FAM234B: variants seen among roughly 807,000 people sequenced by gnomAD.
The protein encoded by FAM234B is protein FAM234B.
Under a neutral mutation model 69.3 loss-of-function variants are expected in FAM234B, and 33 were observed. That is an observed-to-expected ratio of 0.48 (90% CI 0.36 to 0.64). FAM234B has a LOEUF of 0.64. Ranked by LOEUF, FAM234B falls within the 30% of genes least tolerant of loss-of-function variation. The probability of loss-of-function intolerance (pLI) is 0.00; values close to 1 mark genes in which losing one functional copy is unlikely to be tolerated. For missense variants in FAM234B, 697 were observed against 769.7 expected (o/e 0.91, Z 1.12); for synonymous variants, 306 against 306.9 (o/e 1.00, Z 0.03).
rs962480289 is a variant in FAM234B at position 13,079,858 on chromosome 12, A to G, written c.1712A>G (p.His571Arg). ...TRTTGPSSEGHPAALVVSKLS... is the reference protein window; with the variant it reads ...TRTTGPSSEGRPAALVVSKLS... ...ACAACAGGGCCAAGCTCCGAAGGCC[A>G]TCCAGCAGCCCTGGTGGTCAGCAAG... The change falls in exon 12 of 13, where the codon CAT (histidine) becomes CGT (arginine). Residue 571 changes from histidine to arginine, a missense_variant. His to Arg is a conservative substitution (Grantham distance 29). Coordinates refer to ENST00000197268, the MANE Select transcript of FAM234B (RefSeq NM_020853.2). 2 of 1,613,998 alleles carry G rather than the reference A, an allele frequency of 1.2e-6. No individual in the cohort carries two copies. Among genetic ancestry groups the G allele is most frequent in the Admixed American group, 3.3e-5 (2 of 59,998 alleles).
chr12:13,049,098 A>C (rs1241494545), intron 1 of FAM234B, among the ~76,000 whole-genome samples: 2 of 152,222 alleles, frequency 1.3e-5, no homozygotes, highest in African/African-American at 4.8e-5. Flanking sequence ...TAATTACTTA[A>C]ACTTCCAAGC....
In FAM234B at chr12:13,061,661, C is replaced by G. The variant is rs749186565; in HGVS notation, c.619C>G (p.Arg207Gly). The G allele has an allele frequency of 8.8e-5, 142 of 1,614,008 alleles. No homozygotes were observed. In the East Asian group the frequency reaches 2.7e-3, roughly 31 times the overall value. The change falls in exon 4 of 13, where the codon CGA (arginine) becomes GGA (glycine). Residue 207 changes from arginine (R) to glycine (G), a missense_variant. By Grantham distance (125) the Arg-to-Gly change is moderately radical (BLOSUM62 -2). This residue lies in a region of FAM234B where 380 missense variants were observed against 447.1 expected (regional missense o/e 0.85). Coordinates refer to ENST00000197268, the MANE Select transcript of FAM234B (RefSeq NM_020853.2). ...GTCTAGTCTTCTCCCTGAGGAGGCT[C>G]GAGATATCACATGTTTGGAGCTGAT... Reference protein sequence around the residue: ...LWSSLLPEEARDITCLELMPG... With the variant: ...LWSSLLPEEAGDITCLELMPG...
Position 13,068,348 on chromosome 12 carries a change from A to G in FAM234B, c.1187A>G (p.Asn396Ser). Residue 396 changes from asparagine to serine, a missense_variant, in exon 8 of 13, where the codon AAC (asparagine) becomes AGC (serine). This residue lies in a region of FAM234B where 313 missense variants were observed against 305.5 expected (regional missense o/e 1.02). Coordinates refer to ENST00000197268, the MANE Select transcript of FAM234B (RefSeq NM_020853.2). ...CAGATGGTGAAGGCACCAGATTCCA[A>G]CTGCAGCAACCTTCTGATTACAACC... ...LLQMVKAPDS[N>S]CSNLLITTRQ... 1 of 1,614,160 alleles carries G rather than the reference A, an allele frequency of 6.2e-7. No homozygotes were observed. The highest frequency in any genetic ancestry group is 8.5e-7 in the Non-Finnish European group (1 of 1,180,022).
In FAM234B at chr12:13,055,787, C is replaced by G; in HGVS notation, c.274C>G (p.Gln92Glu). The change falls in exon 2 of 13, where the codon CAG becomes GAG. Residue 92 changes from glutamine (Q) to glutamate (E), a missense_variant. By Grantham distance (29) the Gln-to-Glu change is conservative. This residue lies in a region of FAM234B where 380 missense variants were observed against 447.1 expected (regional missense o/e 0.85). Coordinates refer to ENST00000197268, the MANE Select transcript of FAM234B (RefSeq NM_020853.2). ...YPSEPLGGLEQKAASSLVSYV... is the reference protein window; with the variant it reads ...YPSEPLGGLEEKAASSLVSYV... ...CTCAGAACCCCTTGGGGGCCTGGAA[C>G]AGAAGGCGGCCTCCTCCCTGGTGTC... 5.0e-6 allele frequency: 8 copies of G among 1,614,206 alleles called. No individual in the cohort carries two copies. Among genetic ancestry groups the G allele is most frequent in the Non-Finnish European group, 6.8e-6 (8 of 1,180,032 alleles).
intron 11 of FAM234B, among the ~76,000 whole-genome samples, chr12:13,079,412 CT>C (rs1253415104): frequency 6.6e-6 from 1 of 152,248 alleles, no homozygotes; most frequent in Non-Finnish European, 1.5e-5. Flanking sequence ...AAAATAAACA[CT>C]GGCAAGGTAA....
chr12:13,046,175 C>A (rs761564935), intron 1 of FAM234B, among the ~76,000 whole-genome samples: 35 of 96,818 alleles, frequency 3.6e-4, no homozygotes, highest in Middle Eastern at 0.01. Flanking sequence ...CCACCCTGAA[C>A]GCGCCCGATC....
In FAM234B at chr12:13,055,600, C is replaced by G; in HGVS notation, c.87C>G (p.Asp29Glu). ...LGEYDPLTQA[D>E]SDESEDDLVL... Reference sequence around the variant, plus strand: ...AGTATGATCCACTTACCCAGGCTGACAGTGATGAGAGCGAAGACGATCTGG... The same window carrying G: ...AGTATGATCCACTTACCCAGGCTGAGAGTGATGAGAGCGAAGACGATCTGG... The change falls in exon 2 of 13, where the codon GAC becomes GAG. Residue 29 changes from aspartate to glutamate, a missense_variant. This residue lies in a region of FAM234B where 380 missense variants were observed against 447.1 expected (regional missense o/e 0.85). Transcript: ENST00000197268. The G allele has an allele frequency of 6.2e-7, 1 of 1,613,504 alleles. No individual in the cohort carries two copies. Among genetic ancestry groups the G allele is most frequent in the Non-Finnish European group, 8.5e-7 (1 of 1,179,484 alleles).
In FAM234B at chr12:13,067,674, G is replaced by A. The variant is rs188996391; in HGVS notation, c.1142+378G>A. ...TAGTTGAAGCATCATTTTGACAGAA[G>A]CAAGGATAGTGTCCATGAAATCTTA... On this transcript the variant is annotated intron_variant, in intron 7 of 12. Coordinates refer to ENST00000197268, the MANE Select transcript of FAM234B (RefSeq NM_020853.2). This position sits in a 1 kb window ranked among gnomAD's most constrained non-coding sequence, Gnocchi z 4.7. Among the ~76,000 whole-genome samples, 16 of 152,302 alleles carry A rather than the reference G, an allele frequency of 1.1e-4. No homozygotes were observed. Among genetic ancestry groups the A allele is most frequent in the Admixed American group, 1.0e-3 (16 of 15,308 alleles).
intron 6 of FAM234B, 27 bp downstream of exon 6, chr12:13,066,814 C>T: frequency 6.2e-7 from 1 of 1,601,512 alleles, no homozygotes; most frequent in South Asian, 1.1e-5. Context: ...GTTTTTGCTC[C>T]TGTTCCCCAC....
chr12:13,083,342 T>C lies in FAM234B; in HGVS notation c.*2712T>C, dbSNP rs1296891266. The C allele has an allele frequency of 6.6e-6, 1 of 152,506 alleles. No individual in the cohort carries two copies. Among genetic ancestry groups the C allele is most frequent in the Admixed American group, 6.5e-5 (1 of 15,274 alleles). 9.4% of individuals were successfully genotyped at this position (152,506 alleles called of 1,614,324 possible). Reference sequence around the variant, plus strand: ...GTGAAACTAATCCCCTGAATGTGAATTGCTATCCTTATTGCCCTATTAAAG... The same window carrying C: ...GTGAAACTAATCCCCTGAATGTGAACTGCTATCCTTATTGCCCTATTAAAG... On this transcript the variant is annotated 3_prime_UTR_variant, in exon 13 of 13. Coordinates refer to ENST00000197268, the MANE Select transcript of FAM234B (RefSeq NM_020853.2).
At position 13,080,683 on chromosome 12, in the gene FAM234B, A is replaced by G; in HGVS notation, c.*53A>G. 7.0e-7 allele frequency: 1 copy of G among 1,434,202 alleles called. No homozygotes were observed. The highest frequency in any genetic ancestry group is 9.8e-7 in the Non-Finnish European group (1 of 1,018,408). 88.8% of individuals were successfully genotyped at this position (1,434,202 alleles called of 1,614,324 possible). ...AGTGAACAGAGTGGATACCCTCTCTACTCTCCTGTCACTGTAAAATCAGTT... is the reference window on the plus strand; with the variant it reads ...AGTGAACAGAGTGGATACCCTCTCTGCTCTCCTGTCACTGTAAAATCAGTT... On this transcript the variant is annotated 3_prime_UTR_variant, in exon 13 of 13. Transcript: ENST00000197268.
chr12:13,076,167 T>A (rs771276186), intron 11 of FAM234B, 24 bp downstream of exon 11: 1 of 1,519,610 alleles, frequency 6.6e-7, no homozygotes, highest in African/African-American at 1.4e-5. Flanking sequence ...CCAGCGGGAG[T>A]CTGTGTACGC....
chr12:13,058,184 G>A (rs2120463509), intron 2 of FAM234B, among the ~76,000 whole-genome samples: 1 of 152,220 alleles, frequency 6.6e-6, no homozygotes, highest in South Asian at 2.1e-4. Context: ...AAAACCCAGG[G>A]GACTCATCAC....
intron 1 of FAM234B, among the ~76,000 whole-genome samples, chr12:13,048,852 A>G (rs1456862505): frequency 6.6e-6 from 1 of 152,202 alleles, no homozygotes; most frequent in Non-Finnish European, 1.5e-5. Context: ...GTGGAAGGTA[A>G]AAGGCACATC....
chr12:13,066,842 C>A, intron 6 of FAM234B, 55 bp downstream of exon 6: 3 of 1,568,718 alleles, frequency 1.9e-6, no homozygotes, highest in Non-Finnish European at 2.6e-6. Context: ...TGTGATGAGG[C>A]CTTCCTTGTG....
chr12:13,068,551 C>T, intron 8 of FAM234B, 79 bp from the exon 9 acceptor site: 2 of 1,580,142 alleles, frequency 1.3e-6, no homozygotes, highest in Non-Finnish European at 1.7e-6. Flanking sequence ...GGGGCCAGTG[C>T]AAGAGAAGGG....
chr12:13,059,223 C>A (rs1864961351), intron 3 of FAM234B, among the ~76,000 whole-genome samples: 1 of 152,230 alleles, frequency 6.6e-6, no homozygotes, highest in Non-Finnish European at 1.5e-5. Flanking sequence ...ACAGCCTTGA[C>A]CCTGGGTCAC....
At position 13,044,916 on chromosome 12, in the gene FAM234B, A is replaced by G. The variant is rs1009658091; in HGVS notation, c.37+476A>G. Among the ~76,000 whole-genome samples, 1 of 152,222 alleles carries G rather than the reference A, an allele frequency of 6.6e-6. No homozygotes were observed. The highest frequency in any genetic ancestry group is 1.5e-5 in the Non-Finnish European group (1 of 68,030). On this transcript the variant is annotated intron_variant, in intron 1 of 12. Coordinates refer to ENST00000197268, the MANE Select transcript of FAM234B (RefSeq NM_020853.2). The surrounding 1 kb of genome is among the most constrained non-coding windows in gnomAD (Gnocchi z 5.6). ...GACGCATCCATGAGGCAGGTGGGAC[A>G]GGTATTTACGTCCCTTCCTAGTTTA...
intron 1 of FAM234B, among the ~76,000 whole-genome samples, chr12:13,047,733 G>T (rs1421768604): frequency 1.3e-5 from 2 of 152,154 alleles, no homozygotes; most frequent in Non-Finnish European, 2.9e-5. Context: ...AAAAATTTGG[G>T]TGGTGGCTGA....
Sources: gnomAD v4.1 joint callset for allele counts (sites outside exome capture counted in the v4.1 genomes callset) on GRCh38, gnomAD v4.1.1 for gene constraint, gnomAD v4.1.1 regional missense constraint, Gnocchi (gnomAD v3.1) non-coding constraint, MANE v1.5 for transcripts, NCBI Gene and HGNC (gene_info 2026-07-23, HGNC 2026-07-21) for gene names.